The following UNC5D variants were observed in gnomAD, a reference collection of about 807,000 sequenced individuals.
The protein encoded by UNC5D is unc-5 netrin receptor D, also known as netrin receptor UNC5D.
Under a neutral mutation model 105.4 loss-of-function variants are expected in UNC5D, and 39 were observed. That is an observed-to-expected ratio of 0.37 (90% CI 0.29 to 0.48). The LOEUF (loss-of-function observed/expected upper bound fraction) is 0.48. Among genes scored for constraint, UNC5D ranks in the 20% least tolerant of loss-of-function variants. UNC5D has a pLI of 0.98. For synonymous variants in UNC5D, 452 were observed against 450.4 expected (o/e 1.00, Z -0.04); for missense variants, 991 against 1,202.4 (o/e 0.82, Z 2.60).
intron 1 of UNC5D, among the ~76,000 whole-genome samples, chr8:35,258,084 A>C (rs1563255836): frequency 6.6e-6 from 1 of 152,164 alleles, no homozygotes; most frequent in Non-Finnish European, 1.5e-5. Context: ...CCAAGATATC[A>C]ATGTGCCTGA....
At chr8:35,425,676 C>T (rs1272992476) in intron 1 of UNC5D, among the ~76,000 whole-genome samples, 2 of 152,302 alleles carry the variant, frequency 1.3e-5, no homozygotes, top group South Asian at 2.1e-4. Context: ...CTCCTATTCA[C>T]GTCTCTGTCA....
Position 35,536,893 on chromosome 8 carries a change from G to C in UNC5D, c.104-12399G>C, listed in dbSNP as rs1449607212. ...CACCTGTAGTCCCAGCTACTCGGGAGGCTGAGGCAGGAGAATCACTTGAAC... is the reference window on the plus strand; with the variant it reads ...CACCTGTAGTCCCAGCTACTCGGGACGCTGAGGCAGGAGAATCACTTGAAC... On this transcript the variant is annotated intron_variant, in intron 1 of 16. Coordinates refer to ENST00000404895, the MANE Select transcript of UNC5D (RefSeq NM_080872.4). 1.3e-4 allele frequency among the ~76,000 whole-genome samples: 20 copies of C among 152,258 alleles called. No individual in the cohort carries two copies. The East Asian group carries it at 3.1e-3, about 24-fold the overall frequency.
At chr8:35,247,675 A>T (rs1218718871) in intron 1 of UNC5D, among the ~76,000 whole-genome samples, 1 of 14,276 alleles carries the variant, frequency 7.0e-5, no homozygotes, top group African/African-American at 3.6e-4. Flanking sequence ...ATAATATATA[A>T]ATATATATTA....
chr8:35,380,127 C>A (rs1802943781), intron 1 of UNC5D, among the ~76,000 whole-genome samples: 1 of 112,082 alleles, frequency 8.9e-6, no homozygotes, highest in Non-Finnish European at 1.8e-5. Flanking sequence ...GAGAGAGACA[C>A]CGAGAGAGAG....
intron 1 of UNC5D, among the ~76,000 whole-genome samples, chr8:35,486,732 T>A (rs1810847375): frequency 6.6e-6 from 1 of 152,180 alleles, no homozygotes; most frequent in Admixed American, 6.5e-5. Flanking sequence ...GGATTAGGTA[T>A]CATTATTGCC....
chr8:35,728,372 C>T (rs773285083), intron 10 of UNC5D, among the ~76,000 whole-genome samples: 7 of 151,958 alleles, frequency 4.6e-5, no homozygotes, highest in Non-Finnish European at 7.4e-5. Context: ...TCAAAGAAAG[C>T]GAGATGAAAT....
At chr8:35,493,109 T>C (rs1811319046) in intron 1 of UNC5D, among the ~76,000 whole-genome samples, 1 of 151,924 alleles carries the variant, frequency 6.6e-6, no homozygotes, top group Non-Finnish European at 1.5e-5. Flanking sequence ...AAGTCTTTGA[T>C]TTGAGGCAGC....
intron 1 of UNC5D, among the ~76,000 whole-genome samples, chr8:35,487,566 TACACACACACAC>T (rs3048025): frequency 4.4e-5 from 5 of 112,982 alleles, no homozygotes; most frequent in Non-Finnish European, 7.0e-5. Flanking sequence ...TCTCTCTCTG[TACACACACACAC>T]ACACACACAC....
intron 1 of UNC5D, among the ~76,000 whole-genome samples, chr8:35,282,631 A>T (rs886699787): frequency 3.3e-5 from 5 of 151,206 alleles, no homozygotes; most frequent in African/African-American, 9.7e-5. Context: ...TATCTGAGAT[A>T]TAAATGCTTC....
At chr8:35,745,160 G>A (rs1829940989) in intron 11 of UNC5D, among the ~76,000 whole-genome samples, 1 of 152,186 alleles carries the variant, frequency 6.6e-6, no homozygotes, top group Non-Finnish European at 1.5e-5. Flanking sequence ...AGGGCATTAA[G>A]TGTTAAGGAG....
chr8:35,237,729 G>A (rs560659421), intron 1 of UNC5D, among the ~76,000 whole-genome samples: 2 of 152,298 alleles, frequency 1.3e-5, no homozygotes, highest in Admixed American at 1.3e-4. Flanking sequence ...GAGTGGAGCC[G>A]TAAATCTGAC....
chr8:35,626,285 C>T (rs1328799482), intron 4 of UNC5D, among the ~76,000 whole-genome samples: 2 of 151,452 alleles, frequency 1.3e-5, no homozygotes, highest in Non-Finnish European at 2.9e-5. Flanking sequence ...ACGTACTTTA[C>T]GAGTGCTAAA....
intron 1 of UNC5D, among the ~76,000 whole-genome samples, chr8:35,517,958 A>G (rs1439663921): frequency 6.6e-6 from 1 of 152,158 alleles, no homozygotes; most frequent in African/African-American, 2.4e-5. Context: ...CACTAGTCTC[A>G]TTCATGAAGG....
chr8:35,399,340 AT>A (rs549340215), intron 1 of UNC5D, among the ~76,000 whole-genome samples: 1 of 151,500 alleles, frequency 6.6e-6, no homozygotes, highest in African/African-American at 2.4e-5. Context: ...AGACATTGCT[AT>A]TTTTTTTCTT....
chr8:35,333,177 T>A (rs933186117), intron 1 of UNC5D, among the ~76,000 whole-genome samples: 6 of 152,070 alleles, frequency 3.9e-5, no homozygotes, highest in Non-Finnish European at 5.9e-5. Flanking sequence ...CTACAAAAAA[T>A]TTTTTAAAAA....
chr8:35,412,144 A>G (rs569407394), intron 1 of UNC5D, among the ~76,000 whole-genome samples: 1 of 152,056 alleles, frequency 6.6e-6, no homozygotes, highest in Admixed American at 6.6e-5. Flanking sequence ...CATCATCTTC[A>G]GTAGAATTGC....
At chr8:35,377,993 C>T (rs892674171) in intron 1 of UNC5D, among the ~76,000 whole-genome samples, 1 of 152,132 alleles carries the variant, frequency 6.6e-6, no homozygotes, top group Non-Finnish European at 1.5e-5. Context: ...TGTCCTCCCC[C>T]TAACTCTTTG....
At chr8:35,275,013 C>T (rs950942639) in intron 1 of UNC5D, among the ~76,000 whole-genome samples, 1 of 151,704 alleles carries the variant, frequency 6.6e-6, no homozygotes, top group African/African-American at 2.4e-5. Flanking sequence ...ATTGCTTGAA[C>T]CTGGGAGGTG....
intron 1 of UNC5D, among the ~76,000 whole-genome samples, chr8:35,243,650 G>A (rs999944329): frequency 6.6e-6 from 1 of 152,158 alleles, no homozygotes; most frequent in Non-Finnish European, 1.5e-5. Flanking sequence ...GAGATAGAAT[G>A]AGAACAGTTG....
Sources: allele counts gnomAD v4.1 joint callset (sites outside exome capture counted in the v4.1 genomes callset), GRCh38; gene constraint gnomAD v4.1.1; transcripts MANE v1.5; gene names NCBI Gene and HGNC (gene_info 2026-07-23, HGNC 2026-07-21).